The following TRAM2 variants were observed in gnomAD, a reference collection of about 807,000 sequenced individuals.
TRAM2 encodes the protein translocation associated membrane protein 2, also known as translocating chain-associated membrane protein 2.
Under a neutral mutation model 51.0 loss-of-function variants are expected in TRAM2, and 12 were observed. That is an observed-to-expected ratio of 0.24 (90% confidence interval 0.15 to 0.38). The LOEUF is 0.38. TRAM2 is among the 10% of genes least tolerant of loss of function. The pLI is 1.00. For missense variants in TRAM2, 361 were observed against 462.0 expected (o/e 0.78, Z 2.00); for synonymous variants, 175 against 179.4 (o/e 0.98, Z 0.20).
chr6:52,532,457 T>G (rs1364867932), intron 2 of TRAM2, among the ~76,000 whole-genome samples: 1 of 152,192 alleles, frequency 6.6e-6, no homozygotes, highest in East Asian at 1.9e-4. Flanking sequence ...TCCTGTGCAT[T>G]TTATATTTAC....
chr6:52,529,126 C>T (rs1422841336), intron 2 of TRAM2, among the ~76,000 whole-genome samples: 1 of 152,110 alleles, frequency 6.6e-6, no homozygotes, highest in Non-Finnish European at 1.5e-5. Flanking sequence ...CTCCTGACCT[C>T]TTGATCCGCC....
chr6:52,510,992 A>G (rs775148257), intron 4 of TRAM2, among the ~76,000 whole-genome samples: 8 of 152,236 alleles, frequency 5.3e-5, no homozygotes, highest in Non-Finnish European at 1.0e-4. Context: ...TTCTGAAGAA[A>G]GGGCTCTTAT....
At position 52,502,440 on chromosome 6, in the gene TRAM2, TC is replaced by T. The variant is rs5876278; in HGVS notation, c.*756del. 133,021 of 152,118 alleles carry T rather than the reference TC, an allele frequency of 0.87. 58,184 individuals carry two copies. Among genetic ancestry groups the T allele is most frequent in the East Asian group, 0.96 (4,945 of 5,144 alleles). The allele number at this position is 152,118 out of a possible 1,614,324, so 9.4% of individuals were successfully genotyped here. A position where few individuals can be genotyped will look rare whatever the true frequency, so the allele number is the denominator to read the frequency against. On this transcript the variant is annotated 3_prime_UTR_variant, in exon 11 of 11. Coordinates refer to ENST00000182527, the MANE Select transcript of TRAM2 (RefSeq NM_012288.4). The stretch of plus-strand genomic sequence containing the variant: ...TCGCTCTAAGCAGTGGGAAGACGTG[TC>T]CCCCCCCACAGAGCGACAGCAGGCT...
chr6:52,563,635 C>T (rs1325808791), intron 1 of TRAM2, among the ~76,000 whole-genome samples: 1 of 130,666 alleles, frequency 7.7e-6, no homozygotes, highest in Admixed American at 9.6e-5. Context: ...AGGAGAATGG[C>T]GTGAACCCAG....
intron 1 of TRAM2, among the ~76,000 whole-genome samples, chr6:52,559,720 G>A (rs1354598982): frequency 1.3e-5 from 2 of 152,166 alleles, no homozygotes; most frequent in African/African-American, 4.8e-5. Context: ...CTGATTGCTA[G>A]AACCTAAACA....
intron 7 of TRAM2, among the ~76,000 whole-genome samples, chr6:52,507,021 A>C (rs754008295): frequency 6.6e-6 from 1 of 152,226 alleles, no homozygotes; most frequent in Non-Finnish European, 1.5e-5. Context: ...TAACATCAAA[A>C]GGATTCTTTT....
intron 4 of TRAM2, among the ~76,000 whole-genome samples, chr6:52,511,005 G>T (rs2114064907): frequency 6.6e-6 from 1 of 152,314 alleles, no homozygotes; most frequent in Middle Eastern, 3.4e-3. Flanking sequence ...GCTCTTATTT[G>T]TCACTCAGAG....
intron 1 of TRAM2, among the ~76,000 whole-genome samples, chr6:52,550,713 G>T (rs148775316): frequency 6.6e-6 from 1 of 151,822 alleles, no homozygotes; most frequent in African/African-American, 2.4e-5. Flanking sequence ...CACCACACCC[G>T]GCTAATTTTT....
chr6:52,563,892 A>G (rs528390287), intron 1 of TRAM2, among the ~76,000 whole-genome samples: 22 of 56,974 alleles, frequency 3.9e-4, no homozygotes, highest in Non-Finnish European at 6.4e-4. Flanking sequence ...TCCTAATGGT[A>G]CCTATTCCAA....
At chr6:52,503,789 A>T (rs1046452939) in intron 10 of TRAM2, among the ~76,000 whole-genome samples, 4 of 152,124 alleles carry the variant, frequency 2.6e-5, no homozygotes, top group African/African-American at 7.2e-5. Context: ...CTGGCAGAAA[A>T]ATTGTGCTCT....
intron 2 of TRAM2, among the ~76,000 whole-genome samples, chr6:52,534,520 G>A (rs1766946617): frequency 6.6e-6 from 1 of 152,188 alleles, no homozygotes; most frequent in Non-Finnish European, 1.5e-5. Context: ...GGTGCTGGTG[G>A]CGGGATCGGA....
At chr6:52,531,446 G>GT (rs1483134277) in intron 2 of TRAM2, among the ~76,000 whole-genome samples, 1 of 152,226 alleles carries the variant, frequency 6.6e-6, no homozygotes, top group Non-Finnish European at 1.5e-5. Context: ...TCTTGCTAAA[G>GT]TAACTGAAAC....
intron 1 of TRAM2, among the ~76,000 whole-genome samples, chr6:52,552,865 G>A (rs749612940): frequency 6.6e-6 from 1 of 152,104 alleles, no homozygotes; most frequent in Non-Finnish European, 1.5e-5. Flanking sequence ...TATGTCCCAG[G>A]CTGCAGTCAA....
intron 7 of TRAM2, among the ~76,000 whole-genome samples, chr6:52,506,401 G>A (rs1480712475): frequency 6.6e-6 from 1 of 152,194 alleles, no homozygotes; most frequent in African/African-American, 2.4e-5. Flanking sequence ...ACCTCGCATA[G>A]GCCCTTCACA....
chr6:52,557,720 T>C (rs968735975), intron 1 of TRAM2, among the ~76,000 whole-genome samples: 1 of 152,180 alleles, frequency 6.6e-6, no homozygotes, highest in Non-Finnish European at 1.5e-5. Flanking sequence ...ATCATCATAA[T>C]AAACCTTTTC....
At chr6:52,549,361 G>T (rs191174920) in intron 1 of TRAM2, among the ~76,000 whole-genome samples, 2 of 151,270 alleles carry the variant, frequency 1.3e-5, no homozygotes, top group Non-Finnish European at 2.9e-5. Flanking sequence ...AGCATGGTGC[G>T]CATTTCAAAG....
intron 4 of TRAM2, among the ~76,000 whole-genome samples, chr6:52,512,410 G>A (rs1766467233): frequency 6.6e-6 from 1 of 152,096 alleles, no homozygotes; most frequent in Non-Finnish European, 1.5e-5. Context: ...AGAGCAGGGG[G>A]AGCCAGAGGA....
intron 1 of TRAM2, among the ~76,000 whole-genome samples, chr6:52,570,382 A>G (rs113584803): frequency 0.017 from 2,544 of 152,334 alleles, 32 homozygotes; most frequent in Non-Finnish European, 0.025. Context: ...CTTCCAGGTA[A>G]TAAACAGATT....
intron 7 of TRAM2, among the ~76,000 whole-genome samples, chr6:52,506,514 T>C (rs1281883482): frequency 6.6e-6 from 1 of 152,252 alleles, no homozygotes; most frequent in Non-Finnish European, 1.5e-5. Flanking sequence ...GAAATGTTCC[T>C]GTTGTCTGAC....
Sources: gnomAD v4.1 joint callset for allele counts (sites outside exome capture counted in the v4.1 genomes callset) on GRCh38, gnomAD v4.1.1 for gene constraint, MANE v1.5 for transcripts, NCBI Gene and HGNC (gene_info 2026-07-23, HGNC 2026-07-21) for gene names.